UBE2O: variants seen among roughly 807,000 people sequenced by gnomAD.
UBE2O encodes (E3-independent) E2 ubiquitin-conjugating enzyme.
UBE2O carries 15 observed loss-of-function variants against 125.8 expected under a neutral mutation model. That is an observed-to-expected ratio of 0.12 (90% CI 0.08 to 0.18). UBE2O has a LOEUF of 0.18. UBE2O is among the 10% of genes least tolerant of loss of function. The pLI, the probability that UBE2O is intolerant of heterozygous loss-of-function variation, is 1.00. For missense variants in UBE2O, 1,280 were observed against 1,723.6 expected (o/e 0.74, Z 4.56); for synonymous variants, 708 against 703.2 (o/e 1.01, Z -0.11).
chr17:76,396,280 T>C lies in UBE2O; in HGVS notation c.2657A>G (p.Glu886Gly). 6.2e-7 allele frequency: 1 copy of C among 1,614,220 alleles called. No homozygotes were observed. The highest frequency in any genetic ancestry group is 8.5e-7 in the Non-Finnish European group (1 of 1,180,034). ...EEKMEAVPDV[E>G]RKEDKPEGQS... ...CCCCTCGGGCTTGTCCTCCTTGCGC[T>C]CTACGTCGGGCACTGCTTCCATCTT... Residue 886 changes from glutamate to glycine, a missense_variant, in exon 14 of 18, where the codon GAG (glutamate) becomes GGG (glycine). Coordinates refer to ENST00000319380, the MANE Select transcript of UBE2O (RefSeq NM_022066.4). This position sits in a 1 kb window ranked among gnomAD's most constrained non-coding sequence, Gnocchi z 6.7.
rs565129292 is a variant in UBE2O, at chr17:76,435,765, C to T, written c.417+16960G>A. Among the ~76,000 whole-genome samples the T allele has an allele frequency of 1.7e-3, 252 of 152,318 alleles. 3 individuals are homozygous for T. In the Middle Eastern group the frequency reaches 0.02, roughly 12 times the overall value. On this transcript the variant is annotated intron_variant, in intron 1 of 17. Transcript: ENST00000319380. Reference sequence around the variant, plus strand: ...CTCACCTAACGCCTCTCAGTCCAGCCCTATGCTCGGGAGCCACATTCCCTG... The same window carrying T: ...CTCACCTAACGCCTCTCAGTCCAGCTCTATGCTCGGGAGCCACATTCCCTG...
chr17:76,419,123 A>ATTTTT (rs10647924), intron 1 of UBE2O, among the ~76,000 whole-genome samples: 10 of 145,728 alleles, frequency 6.9e-5, no homozygotes, highest in Admixed American at 4.1e-4. Flanking sequence ...ATCTCTACAG[A>ATTTTT]TTTTTTTTTT....
chr17:76,415,859 A>ATACATACATGTATATACAAATATATG (rs1292779470), intron 1 of UBE2O, among the ~76,000 whole-genome samples: 3 of 151,770 alleles, frequency 2.0e-5, no homozygotes, highest in South Asian at 2.1e-4. Flanking sequence ...ACAAATATAT[A>ATACATACATGTATATACAAATATATG]TACATACATG....
chr17:76,396,195 G>A lies in UBE2O; in HGVS notation c.2742C>T (p.Gly914=), dbSNP rs376767198. 7.4e-6 allele frequency: 12 copies of A among 1,613,916 alleles called. No homozygotes were observed. The highest frequency in any genetic ancestry group is 6.7e-5 in the African/African-American group (5 of 74,944). Residue 914 remains glycine (G), a synonymous_variant, in exon 14 of 18, where the codon GGC becomes GGT. Transcript: ENST00000319380. This position sits in a 1 kb window ranked among gnomAD's most constrained non-coding sequence, Gnocchi z 6.7. ...SETPVLCQQC[G]GKPGVTFTSA... ...TGGTGAAGGTGACGCCAGGCTTGCC[G>A]CCACACTGCTGGCACAGCACCGGGG... is the stretch of plus-strand genomic sequence containing the variant.
intron 1 of UBE2O, among the ~76,000 whole-genome samples, chr17:76,432,986 T>C (rs907511295): frequency 2.0e-5 from 3 of 152,190 alleles, no homozygotes; most frequent in Non-Finnish European, 2.9e-5. Flanking sequence ...CTGGTGGGTA[T>C]GTAAAATGGT....
At chr17:76,443,452 C>T (rs1374636867) in intron 1 of UBE2O, among the ~76,000 whole-genome samples, 1 of 152,092 alleles carries the variant, frequency 6.6e-6, no homozygotes, top group African/African-American at 2.4e-5. Flanking sequence ...CCACGCATGG[C>T]TAATTTTTGC....
chr17:76,397,687 T>C (rs1423930823), intron 13 of UBE2O, 112 bp downstream of exon 13: 60 of 1,070,672 alleles, frequency 5.6e-5, no homozygotes, highest in Non-Finnish European at 7.8e-5. Flanking sequence ...ACGCTTTCGC[T>C]GAGATCTCAC....
chr17:76,391,875 C>T lies in UBE2O; in HGVS notation c.3150+35G>A, dbSNP rs776636676. 2 of 1,613,868 alleles carry T rather than the reference C, an allele frequency of 1.2e-6. No homozygotes were observed. Among genetic ancestry groups the T allele is most frequent in the Non-Finnish European group, 1.7e-6 (2 of 1,179,892 alleles). On this transcript the variant is annotated intron_variant, in intron 16 of 17. Coordinates refer to ENST00000319380, the MANE Select transcript of UBE2O (RefSeq NM_022066.4). The surrounding 1 kb of genome is among the most constrained non-coding windows in gnomAD (Gnocchi z 8.4). ...GGCCCCTATCCACCAGTGGCTCTTC[C>T]TCCTTCTTGGCTGGGGGCCTGGCCC...
At chr17:76,422,051 C>T (rs1598606809) in intron 1 of UBE2O, among the ~76,000 whole-genome samples, 1 of 152,300 alleles carries the variant, frequency 6.6e-6, no homozygotes, top group East Asian at 1.9e-4. Context: ...AAGGGACAAC[C>T]AAGCCACAGG....
chr17:76,429,631 G>A (rs1853040355), intron 1 of UBE2O, among the ~76,000 whole-genome samples: 1 of 152,014 alleles, frequency 6.6e-6, no homozygotes, highest in Non-Finnish European at 1.5e-5. Flanking sequence ...CTCTGGACAG[G>A]TGAGGACCAC....
In UBE2O at chr17:76,398,233, G is replaced by A; in HGVS notation, c.2025+22C>T. On this transcript the variant is annotated intron_variant, in intron 12 of 17. Coordinates refer to ENST00000319380, the MANE Select transcript of UBE2O (RefSeq NM_022066.4). The surrounding 1 kb of genome is among the most constrained non-coding windows in gnomAD (Gnocchi z 5.4). Reference sequence around the variant, plus strand: ...GCACAGGGCAGTGAGCAGCCATCCAGAACTTGAATTTGAAGGCGTACCTCA... The same window carrying A: ...GCACAGGGCAGTGAGCAGCCATCCAAAACTTGAATTTGAAGGCGTACCTCA... 6.2e-7 allele frequency: 1 copy of A among 1,614,114 alleles called. No homozygotes were observed. Among genetic ancestry groups the A allele is most frequent in the Non-Finnish European group, 8.5e-7 (1 of 1,179,974 alleles).
At chr17:76,424,532 A>AC (rs2072771854) in intron 1 of UBE2O, among the ~76,000 whole-genome samples, 1 of 152,042 alleles carries the variant, frequency 6.6e-6, no homozygotes, top group Admixed American at 6.5e-5. Flanking sequence ...TATATTCGTT[A>AC]CATTCTGAAA....
chr17:76,408,806 G>A lies in UBE2O; in HGVS notation c.418-3234C>T, dbSNP rs559411615. On this transcript the variant is annotated intron_variant, in intron 1 of 17. Coordinates refer to ENST00000319380, the MANE Select transcript of UBE2O (RefSeq NM_022066.4). Reference sequence around the variant, plus strand: ...AGATTTGTGAACAAAACTAAACCTTGGAATAAACCCAATCCCTACTGTTAA... The same window carrying A: ...AGATTTGTGAACAAAACTAAACCTTAGAATAAACCCAATCCCTACTGTTAA... Among the ~76,000 whole-genome samples, 17 of 152,126 alleles carry A rather than the reference G, an allele frequency of 1.1e-4. No individual in the cohort carries two copies. In the South Asian group the frequency reaches 3.5e-3, roughly 32 times the overall value.
intron 1 of UBE2O, among the ~76,000 whole-genome samples, chr17:76,441,445 G>A (rs1281021781): frequency 6.6e-6 from 1 of 152,112 alleles, no homozygotes; most frequent in Non-Finnish European, 1.5e-5. Flanking sequence ...TCCCTTTCCT[G>A]CCCCTCCTGC....
Position 76,405,147 on chromosome 17 carries a change from G to C in UBE2O, c.588+59C>G, listed in dbSNP as rs928182474. 7.5e-7 allele frequency: 1 copy of C among 1,335,106 alleles called. No individual in the cohort carries two copies. Among genetic ancestry groups the C allele is most frequent in the East Asian group, 2.4e-5 (1 of 42,550 alleles). The allele number at this position is 1,335,106 out of a possible 1,614,324, so 82.7% of individuals were successfully genotyped here. A position where few individuals can be genotyped will look rare whatever the true frequency, so the allele number is the denominator to read the frequency against. ...CGGAGGAGGCTGTAGCCCAGAGGTC[G>C]TGCCGCCGAGAGAACCAGAGGGCCC... On this transcript the variant is annotated intron_variant, in intron 3 of 17. Coordinates refer to ENST00000319380, the MANE Select transcript of UBE2O (RefSeq NM_022066.4). This position sits in a 1 kb window ranked among gnomAD's most constrained non-coding sequence, Gnocchi z 6.1.
intron 1 of UBE2O, among the ~76,000 whole-genome samples, chr17:76,435,989 G>C (rs1167347380): frequency 3.9e-5 from 6 of 152,242 alleles, no homozygotes. Context: ...GCTCACGCCT[G>C]TAATCCTAGC....
chr17:76,443,143 G>A (rs1012859556), intron 1 of UBE2O, among the ~76,000 whole-genome samples: 3 of 152,072 alleles, frequency 2.0e-5, no homozygotes, highest in Non-Finnish European at 4.4e-5. Flanking sequence ...AGGCAAATAT[G>A]GCAGGATGTT....
At chr17:76,444,818 A>G (rs1413484164) in intron 1 of UBE2O, among the ~76,000 whole-genome samples, 3 of 152,200 alleles carry the variant, frequency 2.0e-5, no homozygotes, top group African/African-American at 7.2e-5. Context: ...AGAATCCCTT[A>G]AATAATAAAA....
In UBE2O at chr17:76,398,436, A is replaced by G. The variant is rs755483056; in HGVS notation, c.1896+36T>C. The G allele has an allele frequency of 1.9e-6, 3 of 1,614,024 alleles. No individual in the cohort carries two copies. Among genetic ancestry groups the G allele is most frequent in the Non-Finnish European group, 8.5e-7 (1 of 1,179,956 alleles). On this transcript the variant is annotated intron_variant, in intron 11 of 17. Transcript: ENST00000319380. This position sits in a 1 kb window ranked among gnomAD's most constrained non-coding sequence, Gnocchi z 5.4. ...CTAGGGGTCCTACACCCAACCCCAG[A>G]GCCCACCTGAAGCAAGCAGTAGGGG...
Sources: allele counts gnomAD v4.1 joint callset (sites outside exome capture counted in the v4.1 genomes callset), GRCh38; gene constraint gnomAD v4.1.1; non-coding constraint Gnocchi (gnomAD v3.1); transcripts MANE v1.5; gene names NCBI Gene and HGNC (gene_info 2026-07-23, HGNC 2026-07-21).